Variants in ITPR1 observed in about 807,000 individuals in gnomAD.
ITPR1 encodes inositol 1,4,5-trisphosphate receptor type 1, also known as inositol 1,4,5-trisphosphate-gated calcium channel ITPR1.
A neutral mutation model predicts 318.4 loss-of-function variants in ITPR1; 96 were observed. The observed-to-expected ratio is 0.30, with a 90% CI of 0.26 to 0.36. ITPR1 has a LOEUF of 0.36. Among genes scored for constraint, ITPR1 ranks in the 10% least tolerant of loss-of-function variants. The pLI, the probability that ITPR1 is intolerant of heterozygous loss-of-function variation, is 1.00. For synonymous variants in ITPR1, 1,312 were observed against 1,289.9 expected (o/e 1.02, Z -0.37); for missense variants, 2,440 against 3,460.2 (o/e 0.71, Z 7.40).
rs1303116140 is a variant in ITPR1 at position 4,624,423 on chromosome 3, CT to C, written c.164-3337del. ...GTGTCTCACGCCTGTAATCCCAGCA[CT>C]TTGGGAGGCCAAGGTGGGTGGATCA... On this transcript the variant is annotated intron_variant, in intron 4 of 61. Coordinates refer to ENST00000649015, the MANE Select transcript of ITPR1 (RefSeq NM_001378452.1). Among the ~76,000 whole-genome samples, 4 of 152,298 alleles carry C rather than the reference CT, an allele frequency of 2.6e-5. No homozygotes were observed. In the East Asian group the frequency reaches 7.7e-4, roughly 29 times the overall value.
chr3:4,845,627 T>C (rs2051707755), intron 61 of ITPR1, among the ~76,000 whole-genome samples: 2 of 150,732 alleles, frequency 1.3e-5, no homozygotes, highest in South Asian at 2.1e-4. Context: ...TTGAGAACAT[T>C]TCTCATTTTC....
rs1243605253 is a variant in ITPR1, at chr3:4,710,213, C to T, written c.4843-112C>T. ...GAGATGCCAGACGGTACTAAAGTTACTCTAACCTAGCCTACCCGTGCATCA... is the reference window on the plus strand; with the variant it reads ...GAGATGCCAGACGGTACTAAAGTTATTCTAACCTAGCCTACCCGTGCATCA... On this transcript the variant is annotated intron_variant, in intron 37 of 61. Coordinates refer to ENST00000649015, the MANE Select transcript of ITPR1 (RefSeq NM_001378452.1). This position sits in a 1 kb window ranked among gnomAD's most constrained non-coding sequence, Gnocchi z 4.2. 2.9e-5 allele frequency: 30 copies of T among 1,042,054 alleles called. 1 individual carries two copies. In the South Asian group the frequency reaches 6.5e-4, roughly 22 times the overall value. 64.6% of individuals were successfully genotyped at this position (1,042,054 alleles called of 1,614,324 possible). A position where few individuals can be genotyped will look rare whatever the true frequency, so the allele number is the denominator to read the frequency against.
At chr3:4,823,605 A>C (rs77345870) in intron 60 of ITPR1, among the ~76,000 whole-genome samples, 300 of 152,308 alleles carry the variant, frequency 2.0e-3, no homozygotes, top group Non-Finnish European at 3.2e-3. Flanking sequence ...GCTAAAAAAA[A>C]CAAAAAACAA....
chr3:4,662,770 G>T (rs983188752), intron 15 of ITPR1, among the ~76,000 whole-genome samples: 7 of 152,070 alleles, frequency 4.6e-5, no homozygotes, highest in Admixed American at 1.3e-4. Flanking sequence ...CTCTCTTTCT[G>T]TCTCTAAGTT....
intron 28 of ITPR1, 62 bp from the exon 29 acceptor site, chr3:4,684,219 T>TA: frequency 9.0e-7 from 1 of 1,106,554 alleles, no homozygotes; most frequent in Non-Finnish European, 1.4e-6. Flanking sequence ...ATGCTAACTG[T>TA]AAAAAACTGA....
In ITPR1 at chr3:4,690,740, T is replaced by C. The variant is rs745816271; in HGVS notation, c.3829-404T>C. On this transcript the variant is annotated intron_variant, in intron 31 of 61. Coordinates refer to ENST00000649015, the MANE Select transcript of ITPR1 (RefSeq NM_001378452.1). ...ACCATAGAATAAAGATACTGTCATATATTCATGCAATGGAACTTACATATC... is the reference window on the plus strand; with the variant it reads ...ACCATAGAATAAAGATACTGTCATACATTCATGCAATGGAACTTACATATC... Among the ~76,000 whole-genome samples, 102 of 152,236 alleles carry C rather than the reference T, an allele frequency of 6.7e-4. 2 individuals carry two copies. The highest frequency in any genetic ancestry group is 2.5e-4 in the Non-Finnish European group (17 of 68,048).
intron 44 of ITPR1, among the ~76,000 whole-genome samples, chr3:4,757,269 T>C (rs1214757725): frequency 6.6e-6 from 1 of 152,224 alleles, no homozygotes; most frequent in East Asian, 1.9e-4. Context: ...AGTCATTGTG[T>C]GACAATGGTT....
At chr3:4,716,052 A>C (rs1212092399) in intron 39 of ITPR1, among the ~76,000 whole-genome samples, 1 of 152,218 alleles carries the variant, frequency 6.6e-6, no homozygotes, top group Non-Finnish European at 1.5e-5. Flanking sequence ...TCACCAAAAT[A>C]ATGATGAAAT....
At chr3:4,500,399 G>A (rs773834268) in intron 2 of ITPR1, among the ~76,000 whole-genome samples, 2 of 151,776 alleles carry the variant, frequency 1.3e-5, no homozygotes, top group Non-Finnish European at 2.9e-5. Flanking sequence ...ACGGGATCTC[G>A]CCATGTTGTC....
At chr3:4,647,401 T>A (rs2093482948) in intron 10 of ITPR1, among the ~76,000 whole-genome samples, 1 of 152,216 alleles carries the variant, frequency 6.6e-6, no homozygotes, top group Admixed American at 6.5e-5. Context: ...TTTCTTCATT[T>A]CTCTGAATTA....
chr3:4,676,665 T>C lies in ITPR1; in HGVS notation c.2831T>C (p.Val944Ala), dbSNP rs1204964996. The change falls in exon 24 of 62, where the codon GTG (valine) becomes GCG (alanine). Residue 944 changes from valine to alanine, a missense_variant. Coordinates refer to ENST00000649015, the MANE Select transcript of ITPR1 (RefSeq NM_001378452.1). ...GGCGTGGGAGAGCTGATGACCCAGG[T>C]GGTGCTCCGGGGAGGAGGCTTTTTG... Reference protein sequence around the residue: ...IHGVGELMTQVVLRGGGFLPM... With the variant: ...IHGVGELMTQAVLRGGGFLPM... The C allele has an allele frequency of 6.2e-7, 1 of 1,613,682 alleles. No homozygotes were observed. The highest frequency in any genetic ancestry group is 8.5e-7 in the Non-Finnish European group (1 of 1,179,788).
At chr3:4,520,513 C>T (rs891068459) in intron 3 of ITPR1, among the ~76,000 whole-genome samples, 18 of 152,196 alleles carry the variant, frequency 1.2e-4, no homozygotes, top group African/African-American at 4.3e-4. Flanking sequence ...CCTCTGTCTG[C>T]AGCTTCTCAG....
intron 19 of ITPR1, 59 bp from the exon 20 acceptor site, chr3:4,670,670 G>T: frequency 8.1e-7 from 1 of 1,230,198 alleles, no homozygotes. Flanking sequence ...TGAAAGTAAA[G>T]CTAGATCTCA....
At chr3:4,817,660 T>C (rs60868772) in intron 59 of ITPR1, 29,814 of 153,646 alleles carry the variant, frequency 0.19, 3,313 homozygotes, top group South Asian at 0.26. Flanking sequence ...ACTTATTCTG[T>C]CTCCTCAAAA....
intron 4 of ITPR1, among the ~76,000 whole-genome samples, chr3:4,575,306 T>G (rs1174733460): frequency 6.6e-6 from 1 of 152,228 alleles, no homozygotes; most frequent in Non-Finnish European, 1.5e-5. Context: ...ATGGGATTTA[T>G]CTATCATCTT....
intron 4 of ITPR1, among the ~76,000 whole-genome samples, chr3:4,539,348 T>C (rs1360677500): frequency 6.6e-6 from 1 of 152,242 alleles, no homozygotes; most frequent in Non-Finnish European, 1.5e-5. Flanking sequence ...TAGCAAGTTA[T>C]CAAATTTTAT....
Position 4,745,969 on chromosome 3 carries a change from G to T in ITPR1, c.5544+10615G>T, listed in dbSNP as rs116619392. 4.0e-3 allele frequency among the ~76,000 whole-genome samples: 604 copies of T among 152,272 alleles called. 5 individuals are homozygous for T. The highest frequency in any genetic ancestry group is 0.014 in the African/African-American group (588 of 41,532). On this transcript the variant is annotated intron_variant, in intron 44 of 61. Coordinates refer to ENST00000649015, the MANE Select transcript of ITPR1 (RefSeq NM_001378452.1). ...CTAATCTGTGCCCACTCTACCTCCT[G>T]GGAGTTTAACCATTGTTAGGACTTA...
intron 4 of ITPR1, among the ~76,000 whole-genome samples, chr3:4,614,379 T>G (rs1324133094): frequency 1.3e-5 from 2 of 152,268 alleles, no homozygotes; most frequent in African/African-American, 4.8e-5. Flanking sequence ...TGTCACCTGT[T>G]TATCCCTTCT....
At position 4,550,348 on chromosome 3, in the gene ITPR1, C is replaced by T. The variant is rs184790092; in HGVS notation, c.163+29254C>T. 5.8e-3 allele frequency among the ~76,000 whole-genome samples: 881 copies of T among 152,292 alleles called. 33 individuals are homozygous for T. Among genetic ancestry groups the T allele is most frequent in the Admixed American group, 0.05 (759 of 15,306 alleles). On this transcript the variant is annotated intron_variant, in intron 4 of 61. Transcript: ENST00000649015. Reference sequence around the variant, plus strand: ...GGCATTGACCAGTCCGCTGCCAGAGCGCTTGGTGACCGTCCAACCCACAGA... The same window carrying T: ...GGCATTGACCAGTCCGCTGCCAGAGTGCTTGGTGACCGTCCAACCCACAGA...
Sources: gnomAD v4.1 joint callset for allele counts (sites outside exome capture counted in the v4.1 genomes callset) on GRCh38, gnomAD v4.1.1 for gene constraint, Gnocchi (gnomAD v3.1) non-coding constraint, MANE v1.5 for transcripts, NCBI Gene and HGNC (gene_info 2026-07-23, HGNC 2026-07-21) for gene names.